MMP24: variants seen among roughly 807,000 people sequenced by gnomAD.
MMP24 encodes matrix metalloproteinase-24.
A neutral mutation model predicts 62.8 loss-of-function variants in MMP24; 25 were observed. The observed-to-expected ratio is 0.40, with a 90% CI of 0.29 to 0.56. The LOEUF (loss-of-function observed/expected upper bound fraction) is 0.56, where lower values mean the gene tolerates loss of function less well. Ranked by LOEUF, MMP24 falls within the 20% of genes least tolerant of loss-of-function variation. MMP24 has a pLI of 0.50. For synonymous variants in MMP24, 319 were observed against 350.5 expected (o/e 0.91, Z 1.00); for missense variants, 634 against 853.6 (o/e 0.74, Z 3.21).
At chr20:35,253,548 G>A (rs969697863) in intron 3 of MMP24, among the ~76,000 whole-genome samples, 2 of 152,068 alleles carry the variant, frequency 1.3e-5, no homozygotes, top group African/African-American at 4.8e-5. Context: ...GTTTCCTTAC[G>A]TGTGGAGTAG....
At chr20:35,259,738 T>C (rs1255861538) in intron 4 of MMP24, among the ~76,000 whole-genome samples, 1 of 151,796 alleles carries the variant, frequency 6.6e-6, no homozygotes, top group African/African-American at 2.4e-5. Flanking sequence ...AGAGACAAGG[T>C]CCACTTGAGT....
chr20:35,255,898 G>A (rs1055674936), intron 4 of MMP24: 1 of 152,206 alleles, frequency 6.6e-6, no homozygotes, highest in African/African-American at 2.4e-5. Context: ...CATGATCTCT[G>A]TCCCCTGGCA....
At chr20:35,252,572 C>T (rs538565642) in intron 3 of MMP24, among the ~76,000 whole-genome samples, 19 of 152,328 alleles carry the variant, frequency 1.2e-4, no homozygotes, top group African/African-American at 4.6e-4. Flanking sequence ...CTGAGATTCC[C>T]AACGCAGAGT....
At chr20:35,227,025 T>C in intron 1 of MMP24, 41 bp downstream of exon 1, 1 of 970,438 alleles carries the variant, frequency 1.0e-6, no homozygotes, top group Non-Finnish European at 1.2e-6. Context: ...GCTCGGGGCA[T>C]CCGGGCAGGG....
At chr20:35,250,517 G>A (rs904336404) in intron 2 of MMP24, among the ~76,000 whole-genome samples, 2 of 151,430 alleles carry the variant, frequency 1.3e-5, no homozygotes, top group Non-Finnish European at 2.9e-5. Flanking sequence ...GAGCTGAGAT[G>A]GCACCACTAC....
intron 1 of MMP24, among the ~76,000 whole-genome samples, chr20:35,234,743 GA>G (rs2060454580): frequency 6.6e-6 from 1 of 152,208 alleles, no homozygotes; most frequent in Non-Finnish European, 1.5e-5. Flanking sequence ...GTACAGGACA[GA>G]ACATGAGGCT....
chr20:35,263,563 A>C (rs2060615561), intron 4 of MMP24: 1 of 387,472 alleles, frequency 2.6e-6, no homozygotes, highest in Non-Finnish European at 4.6e-6. Context: ...AGACATTCTT[A>C]AAGCACCCAG....
At position 35,269,482 on chromosome 20, in the gene MMP24, C is replaced by A. The variant is rs1303604988; in HGVS notation, c.1195-278C>A. Among the ~76,000 whole-genome samples, 6 of 152,206 alleles carry A rather than the reference C, an allele frequency of 3.9e-5. No individual in the cohort carries two copies. The highest frequency in any genetic ancestry group is 5.9e-5 in the Non-Finnish European group (4 of 68,030). ...CCCATGTGGCCACTCCAGGCCCCAA[C>A]ATCATCCTTTCCGGCTCCCTCACAC... On this transcript the variant is annotated intron_variant, in intron 6 of 8. Transcript: ENST00000246186. The surrounding 1 kb of genome is among the most constrained non-coding windows in gnomAD (Gnocchi z 4.6).
rs1163606270 is a variant in MMP24, at chr20:35,267,326, G to T, written c.1101G>T (p.Gly367=). 6.3e-7 allele frequency: 1 copy of T among 1,589,556 alleles called. No homozygotes were observed. The highest frequency in any genetic ancestry group is 1.8e-5 in the Admixed American group (1 of 55,968). ...RQPRPPRPPL[G]DRPSTPGTKP... ...CCAGGCCCCCTCGGCCGCCCCTCGG[G>T]GACCGGCCATCCACACCAGGCACCA... is the stretch of plus-strand genomic sequence containing the variant. The change falls in exon 6 of 9, where the codon GGG becomes GGT. Residue 367 remains glycine (G), a synonymous_variant. Transcript: ENST00000246186.
intron 8 of MMP24, among the ~76,000 whole-genome samples, chr20:35,273,616 A>G (rs976244564): frequency 6.6e-5 from 10 of 152,124 alleles, no homozygotes; most frequent in South Asian, 2.1e-4. Context: ...ACCGAGACCA[A>G]TGAAAGCCCT....
chr20:35,252,238 G>A (rs1363660213), intron 3 of MMP24, among the ~76,000 whole-genome samples: 3 of 152,170 alleles, frequency 2.0e-5, no homozygotes, highest in African/African-American at 7.2e-5. Flanking sequence ...CCAACCTCAG[G>A]TTTATTTGGT....
chr20:35,264,305 G>C (rs919090575), intron 5 of MMP24: 1 of 169,520 alleles, frequency 5.9e-6, no homozygotes, highest in Non-Finnish European at 1.3e-5. Context: ...TGCTCCCATA[G>C]ATTCCACCTC....
intron 1 of MMP24, among the ~76,000 whole-genome samples, chr20:35,243,486 G>T (rs1031570012): frequency 6.6e-6 from 1 of 152,150 alleles, no homozygotes; most frequent in African/African-American, 2.4e-5. Context: ...CTAGCCTGTA[G>T]TAGGTGCTCA....
At chr20:35,245,119 C>G (rs965177828) in intron 1 of MMP24, among the ~76,000 whole-genome samples, 1 of 151,912 alleles carries the variant, frequency 6.6e-6, no homozygotes, top group African/African-American at 2.4e-5. Context: ...CTCTTACTCC[C>G]GGGCTCAAGC....
chr20:35,275,219 A>C lies in MMP24; in HGVS notation c.*610A>C, dbSNP rs1285677852. ...GGGTCTCTTCGGAGACCCAGGATTTAGGGTCACATGCTGCAGGCAGGGCTG... is the reference window on the plus strand; with the variant it reads ...GGGTCTCTTCGGAGACCCAGGATTTCGGGTCACATGCTGCAGGCAGGGCTG... On this transcript the variant is annotated 3_prime_UTR_variant, in exon 9 of 9. Transcript: ENST00000246186. The C allele has an allele frequency of 6.5e-6, 1 of 154,928 alleles. No individual in the cohort carries two copies. Among genetic ancestry groups the C allele is most frequent in the Non-Finnish European group, 1.4e-5 (1 of 69,758 alleles). The allele number at this position is 154,928 out of a possible 1,614,324, so 9.6% of individuals were successfully genotyped here. A position where few individuals can be genotyped will look rare whatever the true frequency, so the allele number is the denominator to read the frequency against.
intron 1 of MMP24, among the ~76,000 whole-genome samples, chr20:35,243,420 T>C (rs1012582723): frequency 6.6e-6 from 1 of 152,234 alleles, no homozygotes; most frequent in Non-Finnish European, 1.5e-5. Context: ...GTGGGTTTAC[T>C]TGTCAGTCTC....
At chr20:35,268,097 T>C (rs2060645886) in intron 6 of MMP24, 1 of 152,462 alleles carries the variant, frequency 6.6e-6, no homozygotes, top group Non-Finnish European at 1.5e-5. Flanking sequence ...CAGAGGCCCA[T>C]GGCAGCCTCA....
intron 1 of MMP24, among the ~76,000 whole-genome samples, chr20:35,228,580 T>A (rs1238031158): frequency 6.6e-6 from 1 of 152,304 alleles, no homozygotes; most frequent in South Asian, 2.1e-4. Context: ...CTTGAGCCAT[T>A]TCCTTGCCCT....
At chr20:35,272,730 C>A (rs2146245105) in intron 8 of MMP24, among the ~76,000 whole-genome samples, 1 of 152,298 alleles carries the variant, frequency 6.6e-6, no homozygotes, top group African/African-American at 2.4e-5. Flanking sequence ...TGGTCAAAAA[C>A]ACAGACTCTA....
Sources: allele counts gnomAD v4.1 joint callset (sites outside exome capture counted in the v4.1 genomes callset), GRCh38; gene constraint gnomAD v4.1.1; non-coding constraint Gnocchi (gnomAD v3.1); transcripts MANE v1.5; gene names NCBI Gene and HGNC (gene_info 2026-07-23, HGNC 2026-07-21).